NAGPA: variants seen among roughly 807,000 people sequenced by gnomAD.
NAGPA encodes the protein N-acetylglucosamine-1-phosphodiester alpha-N-acetylglucosaminidase, also known as alpha-N-acetylglucosaminyl phosphodiesterase.
In NAGPA, 56 loss-of-function variants were observed where a neutral mutation model predicts 48.5. The ratio of observed to expected loss-of-function variants is 1.15; its 90% CI spans 0.93 to 1.44. NAGPA has a LOEUF of 1.44. Ranked by LOEUF, NAGPA falls within the 40% of genes most tolerant of loss-of-function variation. NAGPA has a pLI of 0.00. For synonymous variants in NAGPA, 399 were observed against 315.5 expected (o/e 1.26, Z -2.81); for missense variants, 888 against 735.0 (o/e 1.21, Z -2.41).
chr16:5,033,185 G>T lies in NAGPA; in HGVS notation c.542+88C>A. Reference sequence around the variant, plus strand: ...AGAGGAGGAAACAGGGGCTCAGCTTGGTTAAGTGACTTGAACACGGAGGCA... The same window carrying T: ...AGAGGAGGAAACAGGGGCTCAGCTTTGTTAAGTGACTTGAACACGGAGGCA... On this transcript the variant is annotated intron_variant, in intron 2 of 9. Transcript: ENST00000312251. The surrounding 1 kb of genome is among the most constrained non-coding windows in gnomAD (Gnocchi z 4.2). 1 of 1,440,896 alleles carries T rather than the reference G, an allele frequency of 6.9e-7. No homozygotes were observed. The highest frequency in any genetic ancestry group is 9.4e-7 in the Non-Finnish European group (1 of 1,061,930). The allele number at this position is 1,440,896 out of a possible 1,614,324, so 89.3% of individuals were successfully genotyped here.
Position 5,027,206 on chromosome 16 carries a change from A to G in NAGPA, c.1277-8T>C. ...GCTGGAGACACTGCTTTACTGTAAC[A>G]TACCAGAGACAGGCTGAAGGGGCCG... On this transcript the variant is annotated splice_region_variant and splice_polypyrimidine_tract_variant and intron_variant, in intron 8 of 9. Coordinates refer to ENST00000312251, the MANE Select transcript of NAGPA (RefSeq NM_016256.4). 1 of 1,614,232 alleles carries G rather than the reference A, an allele frequency of 6.2e-7. No homozygotes were observed.
At chr16:5,027,934 G>T (rs183956143) in intron 6 of NAGPA, 41 bp from the exon 7 acceptor site, 3 of 1,613,246 alleles carry the variant, frequency 1.9e-6, no homozygotes, top group Non-Finnish European at 2.5e-6. Flanking sequence ...AGGGCCTAGG[G>T]CAAGGCAGGG....
At position 5,028,454 on chromosome 16, in the gene NAGPA, T is replaced by TA; in HGVS notation, c.921-270dup. The TA allele has an allele frequency of 4.2e-6, 3 of 712,012 alleles. No individual in the cohort carries two copies. The South Asian group carries it at 4.5e-5, about 11-fold the overall frequency. The allele number at this position is 712,012 out of a possible 1,614,324, so 44.1% of individuals were successfully genotyped here. ...GGGTCTATGTTGCCCACACTGGTCTTAAACTCCTGGGCCCAAGCGAACCTC... is the reference window on the plus strand; with the variant it reads ...GGGTCTATGTTGCCCACACTGGTCTTAAAACTCCTGGGCCCAAGCGAACCTC... On this transcript the variant is annotated intron_variant, in intron 5 of 9. Transcript: ENST00000312251.
intron 2 of NAGPA, among the ~76,000 whole-genome samples, chr16:5,032,603 C>T (rs1027101559): frequency 2.0e-5 from 3 of 151,920 alleles, no homozygotes; most frequent in Non-Finnish European, 4.4e-5. Context: ...CGCTTGAACC[C>T]GGGAGGCAGA....
At position 5,033,409 on chromosome 16, in the gene NAGPA, G is replaced by A. The variant is rs1418831913; in HGVS notation, c.406C>T (p.Gln136Ter). Residue 136 changes from glutamine (Q) to a stop codon, truncating the protein, a stop_gained, in exon 2 of 10, where the codon CAG (glutamine) becomes TAG (stop). Coordinates refer to ENST00000312251, the MANE Select transcript of NAGPA (RefSeq NM_016256.4). LOFTEE classifies it high-confidence loss of function. This position sits in a 1 kb window ranked among gnomAD's most constrained non-coding sequence, Gnocchi z 4.2. The stretch of plus-strand genomic sequence containing the variant: ...TTCATGCGGAAGAAGCCGCCGTTCT[G>A]GGCGACACGGCAGTCGGCCGCCCGC... ...TARAADCRVAQNGGFFRMNSG... is the reference protein window; with the variant it reads ...TARAADCRVA 1 of 1,596,622 alleles carries A rather than the reference G, an allele frequency of 6.3e-7. No homozygotes were observed. Among genetic ancestry groups the A allele is most frequent in the African/African-American group, 1.3e-5 (1 of 74,892 alleles).
chr16:5,026,607 A>C (rs1956005492), intron 9 of NAGPA, among the ~76,000 whole-genome samples: 1 of 152,210 alleles, frequency 6.6e-6, no homozygotes, highest in South Asian at 2.1e-4. Context: ...CTTTTTAAAA[A>C]TTATGTAAGC....
Position 5,027,095 on chromosome 16 carries a change from T to C in NAGPA, c.1340+40A>G, listed in dbSNP as rs976628593. ...GGAAGGGTGCGGGAGAGAAGGGGGA[T>C]TCCTCCCGCCCTGGCCCCAGCTCCC... On this transcript the variant is annotated intron_variant, in intron 9 of 9. Coordinates refer to ENST00000312251, the MANE Select transcript of NAGPA (RefSeq NM_016256.4). 3.7e-6 allele frequency: 6 copies of C among 1,610,296 alleles called. No individual in the cohort carries two copies. The Admixed American group carries it at 8.3e-5, about 22-fold the overall frequency.
chr16:5,031,664 TG>T, intron 3 of NAGPA, 80 bp downstream of exon 3: 1 of 1,586,484 alleles, frequency 6.3e-7, no homozygotes, highest in Non-Finnish European at 8.7e-7. Flanking sequence ...CAATACTTGT[TG>T]AAAGACTTAA....
intron 4 of NAGPA, chr16:5,029,696 G>C (rs1956067158): frequency 6.2e-6 from 1 of 160,154 alleles, no homozygotes; most frequent in Admixed American, 5.9e-5. Context: ...GGCCGAGGTA[G>C]ATGGATCACC....
intron 9 of NAGPA, 47 bp downstream of exon 9, chr16:5,027,088 A>C (rs1567138087): frequency 5.6e-6 from 9 of 1,603,024 alleles, no homozygotes. Context: ...GCGGGAGAGA[A>C]GGGGGATTCC....
chr16:5,025,595 C>T lies in NAGPA; in HGVS notation c.1431G>A (p.Glu477=). 6.2e-7 allele frequency: 1 copy of T among 1,613,962 alleles called. No homozygotes were observed. ...AGTCCCCATGCAGGCGCCGGTTCCTCTCTGCTCTGGACAGGAGCAAGGACA... is the reference window on the plus strand; with the variant it reads ...AGTCCCCATGCAGGCGCCGGTTCCTTTCTGCTCTGGACAGGAGCAAGGACA... The part of the protein sequence containing the change: ...ANLSLLLSRA[E]RNRRLHGDYA... The change falls in exon 10 of 10, where the codon GAG becomes GAA. Residue 477 remains glutamate, a synonymous_variant. Coordinates refer to ENST00000312251, the MANE Select transcript of NAGPA (RefSeq NM_016256.4).
intron 2 of NAGPA, among the ~76,000 whole-genome samples, chr16:5,032,485 T>G (rs1276439982): frequency 7.9e-6 from 1 of 125,986 alleles, no homozygotes. Flanking sequence ...GTGAACCCAC[T>G]CCCCCGTTCC....
rs78321643 is a variant in NAGPA, at chr16:5,029,206, G to A, written c.792-198C>T. ...CACACCCATGCCTGTGCTGTTACATGGCATAGGAATCCTTAAGGGAGGGGA... is the reference window on the plus strand; with the variant it reads ...CACACCCATGCCTGTGCTGTTACATAGCATAGGAATCCTTAAGGGAGGGGA... On this transcript the variant is annotated intron_variant, in intron 4 of 9. Transcript: ENST00000312251. The A allele has an allele frequency of 4.0e-3, 3,436 of 853,118 alleles. 72 individuals carry two copies. The African/African-American group carries it at 0.049, about 12-fold the overall frequency. The allele number at this position is 853,118 out of a possible 1,614,324, so 52.8% of individuals were successfully genotyped here. A position where few individuals can be genotyped will look rare whatever the true frequency, so the allele number is the denominator to read the frequency against.
intron 5 of NAGPA, 116 bp downstream of exon 5, chr16:5,028,764 T>G: frequency 6.5e-7 from 1 of 1,538,630 alleles, no homozygotes; most frequent in Non-Finnish European, 8.9e-7. Flanking sequence ...CAGCAATTTC[T>G]GCTCTCTTGA....
chr16:5,028,616 G>T, intron 5 of NAGPA: 1 of 583,982 alleles, frequency 1.7e-6, no homozygotes, highest in Non-Finnish European at 3.1e-6. Context: ...CCTCTGCCCG[G>T]AAGGCTCTCC....
At chr16:5,027,515 G>A in intron 7 of NAGPA, 136 bp from the exon 8 acceptor site, 2 of 920,644 alleles carry the variant, frequency 2.2e-6, no homozygotes, top group Non-Finnish European at 3.4e-6. Flanking sequence ...AGCACCCCCT[G>A]CCCTCCCTGG....
At chr16:5,032,724 C>A (rs1784331222) in intron 2 of NAGPA, among the ~76,000 whole-genome samples, 1 of 151,950 alleles carries the variant, frequency 6.6e-6, no homozygotes, top group South Asian at 2.1e-4. Context: ...GTTTCTGACA[C>A]CCCACTCCTT....
At chr16:5,027,714 G>C in intron 7 of NAGPA, 132 bp downstream of exon 7, 2 of 1,337,664 alleles carry the variant, frequency 1.5e-6, no homozygotes, top group Non-Finnish European at 2.1e-6. Flanking sequence ...GTGATGTGCA[G>C]GTGAGGCCGG....
At position 5,027,870 on chromosome 16, in the gene NAGPA, A is replaced by C; in HGVS notation, c.1150T>G (p.Trp384Gly). 1 of 1,577,726 alleles carries C rather than the reference A, an allele frequency of 6.3e-7. No individual in the cohort carries two copies. Among genetic ancestry groups the C allele is most frequent in the Non-Finnish European group, 8.6e-7 (1 of 1,161,472 alleles). The change falls in exon 7 of 10, where the codon TGG (tryptophan) becomes GGG (glycine). Residue 384 changes from tryptophan to glycine, a missense_variant. Transcript: ENST00000312251. ...CCTTCACTGCAGTTGGACCCGGTCC[A>C]TCCGGCATCACAGCGGCAGCCGGCT... ...TETGCRCDAG[W>G]TGSNCSEECP...
Sources: allele counts gnomAD v4.1 joint callset (sites outside exome capture counted in the v4.1 genomes callset), GRCh38; gene constraint gnomAD v4.1.1; non-coding constraint Gnocchi (gnomAD v3.1); transcripts MANE v1.5; gene names NCBI Gene and HGNC (gene_info 2026-07-23, HGNC 2026-07-21).